The following ZFYVE21 variants were observed in gnomAD, a reference collection of about 807,000 sequenced individuals.
ZFYVE21 encodes the protein zinc finger FYVE domain-containing protein 21.
ZFYVE21 carries 21 observed loss-of-function variants against 29.5 expected under a neutral mutation model. That is an observed-to-expected ratio of 0.71 (90% CI 0.50 to 1.02). ZFYVE21 has a LOEUF of 1.02. Among genes scored for constraint, ZFYVE21 ranks in the 50% least tolerant of loss-of-function variants. The probability of loss-of-function intolerance (pLI) is 0.00; values close to 1 mark genes in which losing one functional copy is unlikely to be tolerated. For missense variants in ZFYVE21, 326 were observed against 335.4 expected (o/e 0.97, Z 0.22); for synonymous variants, 151 against 133.8 (o/e 1.13, Z -0.89).
At chr14:103,719,445 ACT>A (rs951997869) in intron 1 of ZFYVE21, among the ~76,000 whole-genome samples, 5 of 147,900 alleles carry the variant, frequency 3.4e-5, no homozygotes, top group Admixed American at 1.4e-4. Context: ...ACAGAGCAAG[ACT>A]CTGTCTCAAA....
In ZFYVE21 at chr14:103,729,158, C is replaced by T. The variant is rs755941142; in HGVS notation, c.502C>T (p.Leu168Phe). The change falls in exon 5 of 7, where the codon CTC becomes TTC. Residue 168 changes from leucine (L) to phenylalanine (F), a missense_variant. Coordinates refer to ENST00000311141, the MANE Select transcript of ZFYVE21 (RefSeq NM_024071.4). ...TGTACACATTTCCACCGTGCAGATC[C>T]TCACAGAAGGCTTCCCTCCTGGAGG... ...EIVHISTVQI[L>F]TEGFPPGGGN... The T allele has an allele frequency of 2.5e-6, 4 of 1,613,942 alleles. No individual in the cohort carries two copies. The highest frequency in any genetic ancestry group is 3.4e-6 in the Non-Finnish European group (4 of 1,180,010).
chr14:103,722,161 C>T (rs1040164354), intron 1 of ZFYVE21, among the ~76,000 whole-genome samples: 1 of 152,122 alleles, frequency 6.6e-6, no homozygotes, highest in Non-Finnish European at 1.5e-5. Flanking sequence ...TACCTTATGT[C>T]TTCATCCATT....
At chr14:103,724,130 G>A (rs2083898678) in intron 1 of ZFYVE21, among the ~76,000 whole-genome samples, 1 of 152,240 alleles carries the variant, frequency 6.6e-6, no homozygotes, top group South Asian at 2.1e-4. Flanking sequence ...AGACCACAGG[G>A]AGGCTGTGCA....
intron 1 of ZFYVE21, among the ~76,000 whole-genome samples, chr14:103,721,176 T>C (rs1046382771): frequency 2.6e-5 from 4 of 152,120 alleles, no homozygotes; most frequent in African/African-American, 9.7e-5. Context: ...CCGGGAAGCC[T>C]AGTTTATGGC....
At chr14:103,726,997 G>A in intron 2 of ZFYVE21, 155 bp downstream of exon 2, 1 of 713,500 alleles carries the variant, frequency 1.4e-6, no homozygotes, top group Admixed American at 3.0e-5. Context: ...CCAGGCTGGA[G>A]TGCAGTGGCT....
At chr14:103,726,947 C>CGTTTTTTTTTTTG in intron 2 of ZFYVE21, 105 bp downstream of exon 2, 1 of 679,996 alleles carries the variant, frequency 1.5e-6, no homozygotes, top group Non-Finnish European at 2.2e-6. Flanking sequence ...TCTTATGGCT[C>CGTTTTTTTTTTTG]GTTTTTTTTT....
intron 1 of ZFYVE21, among the ~76,000 whole-genome samples, chr14:103,723,127 T>C (rs947344664): frequency 6.6e-6 from 1 of 152,212 alleles, no homozygotes; most frequent in Non-Finnish European, 1.5e-5. Context: ...TTACTCTCAC[T>C]GGAACCTGGT....
At chr14:103,719,871 A>G (rs973785917) in intron 1 of ZFYVE21, among the ~76,000 whole-genome samples, 2 of 151,442 alleles carry the variant, frequency 1.3e-5, no homozygotes, top group African/African-American at 4.9e-5. Context: ...CAGGCTGGAG[A>G]GCTGTTACTG....
At chr14:103,729,902 C>G in intron 5 of ZFYVE21, 3 of 1,524,540 alleles carry the variant, frequency 2.0e-6, no homozygotes, top group South Asian at 2.4e-5. Context: ...CGTTCCTCCC[C>G]TCGCCACCTG....
In ZFYVE21 at chr14:103,733,234, T is replaced by C. The variant is rs1260519753; in HGVS notation, c.*216T>C. On this transcript the variant is annotated 3_prime_UTR_variant, in exon 7 of 7. Transcript: ENST00000311141. ...AAACAGCTTCATGTTTTAGAATTTG[T>C]GTATTGTCAATACTTAATTGGGGGT... 3 of 615,192 alleles carry C rather than the reference T, an allele frequency of 4.9e-6. No homozygotes were observed. The highest frequency in any genetic ancestry group is 5.8e-5 in the East Asian group (2 of 34,718). 38.1% of individuals were successfully genotyped at this position (615,192 alleles called of 1,614,324 possible). A position where few individuals can be genotyped will look rare whatever the true frequency, so the allele number is the denominator to read the frequency against.
At chr14:103,726,948 GTTTT>G in intron 2 of ZFYVE21, 106 bp downstream of exon 2, 4 of 660,906 alleles carry the variant, frequency 6.1e-6, no homozygotes, top group Non-Finnish European at 8.7e-6. Context: ...CTTATGGCTC[GTTTT>G]TTTTTTTTTT....
At chr14:103,722,098 C>T (rs916605118) in intron 1 of ZFYVE21, among the ~76,000 whole-genome samples, 1 of 152,206 alleles carries the variant, frequency 6.6e-6, no homozygotes, top group South Asian at 2.1e-4. Context: ...TGCTGTCCTG[C>T]GCTTCCTTTG....
rs780441491 is a variant in ZFYVE21, at chr14:103,733,018, ACT to A, written c.*3_*4del. 12 of 1,614,024 alleles carry A rather than the reference ACT, an allele frequency of 7.4e-6. No homozygotes were observed. Among genetic ancestry groups the A allele is most frequent in the Non-Finnish European group, 8.5e-6 (10 of 1,180,024 alleles). ...TCCTCTATGAATCTCGGGACCAGTA[ACT>A]CTACGTGGGGCTGAGCTTGGAGTAC... is the stretch of plus-strand genomic sequence containing the variant. On this transcript the variant is annotated 3_prime_UTR_variant, in exon 7 of 7. Transcript: ENST00000311141.
intron 2 of ZFYVE21, 28 bp downstream of exon 2, chr14:103,726,870 G>A: frequency 1.2e-6 from 2 of 1,613,332 alleles, no homozygotes; most frequent in Middle Eastern, 1.7e-4. Flanking sequence ...AGTGGGGGTG[G>A]TGGGAAGAGG....
intron 1 of ZFYVE21, among the ~76,000 whole-genome samples, chr14:103,720,643 C>T (rs561303143): frequency 6.2e-4 from 95 of 152,246 alleles, no homozygotes; most frequent in Non-Finnish European, 1.0e-3. Context: ...TGGTTTCTTG[C>T]GTGCTGCCAA....
At chr14:103,729,305 G>A in intron 5 of ZFYVE21, 123 bp downstream of exon 5, 2 of 934,518 alleles carry the variant, frequency 2.1e-6, no homozygotes, top group South Asian at 1.6e-5. Context: ...TGGGTTTCCA[G>A]GACAATCTGC....
intron 4 of ZFYVE21, 31 bp from the exon 5 acceptor site, chr14:103,729,060 G>T: frequency 1.2e-6 from 2 of 1,613,804 alleles, no homozygotes; most frequent in South Asian, 2.2e-5. Flanking sequence ...GCCTGAGAAT[G>T]ACCCGATTTG....
intron 1 of ZFYVE21, 76 bp from the exon 2 acceptor site, chr14:103,726,716 A>G: frequency 6.3e-7 from 1 of 1,582,074 alleles, no homozygotes; most frequent in African/African-American, 1.3e-5. Flanking sequence ...CAGCTTTCTC[A>G]GCAGCCCGTG....
chr14:103,728,976 A>G lies in ZFYVE21; in HGVS notation c.427A>G (p.Asn143Asp). The change falls in exon 4 of 7, where the codon AAC (asparagine) becomes GAC (aspartate). Residue 143 changes from asparagine (N) to aspartate (D), a missense_variant. By Grantham distance (23) the Asn-to-Asp change is conservative. Coordinates refer to ENST00000311141, the MANE Select transcript of ZFYVE21 (RefSeq NM_024071.4). ...AACTATGACTTGTCGTCTTTCCAAT[A>G]ACCAGAGGTAAGAGCCGGATCCTGC... ...PETMTCRLSN[N>D]QRYLFLDGDS... 1 of 1,613,978 alleles carries G rather than the reference A, an allele frequency of 6.2e-7. No homozygotes were observed. Among genetic ancestry groups the G allele is most frequent in the Non-Finnish European group, 8.5e-7 (1 of 1,179,996 alleles).
Sources: gnomAD v4.1 joint callset for allele counts (sites outside exome capture counted in the v4.1 genomes callset) on GRCh38, gnomAD v4.1.1 for gene constraint, MANE v1.5 for transcripts, NCBI Gene and HGNC (gene_info 2026-07-23, HGNC 2026-07-21) for gene names.